DRC9: variants seen among roughly 807,000 people sequenced by gnomAD.
The protein encoded by DRC9 is dynein regulatory complex subunit 9, also known as dynein regulatory complex protein 9.
the DRC9 span, among the ~76,000 whole-genome samples, chr3:197,937,069 C>CA: frequency 5.9e-5 from 9 of 152,206 alleles, no homozygotes; most frequent in African/African-American, 2.2e-4. Flanking sequence ...AAAGCAGTCA[C>CA]AGGCAACGTA....
the DRC9 span, among the ~76,000 whole-genome samples, chr3:197,901,362 T>G: frequency 0.023 from 3,496 of 152,286 alleles, 156 homozygotes; most frequent in African/African-American, 0.08. This position sits in a 1 kb window ranked among gnomAD's most constrained non-coding sequence, Gnocchi z 4.4. Flanking sequence ...GGTCTCAAAC[T>G]CACGACCCCA....
the DRC9 span, among the ~76,000 whole-genome samples, chr3:197,929,388 G>T: frequency 2.6e-5 from 4 of 152,204 alleles, no homozygotes; most frequent in African/African-American, 9.6e-5. The surrounding 1 kb of genome is among the most constrained non-coding windows in gnomAD (Gnocchi z 4.6). Context: ...CACATGCACA[G>T]AGCAGAGCAT....
At chr3:197,910,848 T>C in the DRC9 span, among the ~76,000 whole-genome samples, 7 of 152,056 alleles carry the variant, frequency 4.6e-5, no homozygotes, top group Admixed American at 2.0e-4. Flanking sequence ...GACGTGCGCC[T>C]GTAATCCCAG....
chr3:197,913,480 G>C, the DRC9 span: 1 of 306,950 alleles, frequency 3.3e-6, no homozygotes, highest in Non-Finnish European at 6.2e-6. Context: ...CAGCGCTCTC[G>C]ATGCTGTATT....
At chr3:197,938,337 T>G in the DRC9 span, among the ~76,000 whole-genome samples, 1 of 149,086 alleles carries the variant, frequency 6.7e-6, no homozygotes, top group South Asian at 2.1e-4. Flanking sequence ...AAAAAAAGAC[T>G]TAATAACTTA....
chr3:197,889,766 C>T, the DRC9 span: 1 of 1,602,816 alleles, frequency 6.2e-7, no homozygotes. Context: ...TGACAAGCTG[C>T]ATTCTTTCCA....
the DRC9 span, among the ~76,000 whole-genome samples, chr3:197,940,860 A>G: frequency 1.4e-3 from 211 of 152,328 alleles, 2 homozygotes; most frequent in African/African-American, 4.8e-3. Context: ...ATATATTACT[A>G]TTTACACTAC....
At chr3:197,958,176 C>T in the DRC9 span, 1 of 152,216 alleles carries the variant, frequency 6.6e-6, no homozygotes, top group Non-Finnish European at 1.5e-5. Context: ...CAGACAATCC[C>T]CTGCCCACAA....
the DRC9 span, among the ~76,000 whole-genome samples, chr3:197,942,385 CAAAAAAAAAAA>C: frequency 0.016 from 267 of 17,050 alleles, no homozygotes; most frequent in African/African-American, 0.033. Flanking sequence ...CTCCGTCTCA[CAAAAAAAAAAA>C]AAAAAAAAAA....
At chr3:197,906,536 T>C in the DRC9 span, 18 of 152,052 alleles carry the variant, frequency 1.2e-4, no homozygotes, top group African/African-American at 4.1e-4. Flanking sequence ...CTAACCACCA[T>C]TAATCTCCCA....
At chr3:197,912,446 A>C in the DRC9 span, 1 of 456,270 alleles carries the variant, frequency 2.2e-6, no homozygotes, top group Non-Finnish European at 3.9e-6. Flanking sequence ...AAAATTTCTT[A>C]TGTAAGCTCA....
the DRC9 span, among the ~76,000 whole-genome samples, chr3:197,947,928 C>CTTTTT: frequency 5.0e-4 from 48 of 96,786 alleles, no homozygotes; most frequent in Non-Finnish European, 6.6e-4. Context: ...CCTGCTTTAC[C>CTTTTT]TTTTTTTTTT....
At chr3:197,931,678 G>GCTCACTACAAGCTCTGC in the DRC9 span, among the ~76,000 whole-genome samples, 4 of 151,932 alleles carry the variant, frequency 2.6e-5, no homozygotes, top group African/African-American at 7.2e-5. Context: ...TGCGATCTCG[G>GCTCACTACAAGCTCTGC]CTCACTACAA....
the DRC9 span, chr3:197,926,180 A>G: frequency 6.3e-6 from 5 of 798,168 alleles, no homozygotes; most frequent in South Asian, 1.4e-5. Flanking sequence ...CACCCCGCAC[A>G]TAAGAAAACC....
chr3:197,953,684 C>A, the DRC9 span: 1 of 439,546 alleles, frequency 2.3e-6, no homozygotes. Context: ...TCTGTACACA[C>A]AAATATCCTC....
At chr3:197,960,107 C>G in the DRC9 span, 1 of 864,252 alleles carries the variant, frequency 1.2e-6, no homozygotes, top group Non-Finnish European at 1.7e-6. Context: ...CTGCGGCGAA[C>G]TTCTAGCGGG....
chr3:197,912,983 G>A, the DRC9 span: 2 of 495,166 alleles, frequency 4.0e-6, no homozygotes, highest in Non-Finnish European at 7.3e-6. Flanking sequence ...GCTGAACAGA[G>A]GTGCCCACTG....
chr3:197,913,532 C>A, the DRC9 span: 1 of 422,418 alleles, frequency 2.4e-6, no homozygotes. Flanking sequence ...ATGAAAGAAA[C>A]AGCAGCAAAA....
At chr3:197,900,599 A>C in the DRC9 span, among the ~76,000 whole-genome samples, 3 of 151,298 alleles carry the variant, frequency 2.0e-5, no homozygotes, top group Non-Finnish European at 4.4e-5. This position sits in a 1 kb window ranked among gnomAD's most constrained non-coding sequence, Gnocchi z 4.7. Context: ...CCACAGCAGA[A>C]CAGGGCACTC....
Sources: gnomAD v4.1 joint callset for allele counts (sites outside exome capture counted in the v4.1 genomes callset) on GRCh38, gnomAD v4.1.1 for gene constraint, Gnocchi (gnomAD v3.1) non-coding constraint, MANE v1.5 for transcripts, NCBI Gene and HGNC (gene_info 2026-07-23, HGNC 2026-07-21) for gene names.